DCC: variants seen among roughly 807,000 people sequenced by gnomAD.
The protein encoded by DCC is DCC netrin 1 receptor, also known as netrin receptor DCC.
DCC carries 58 observed loss-of-function variants against 172.5 expected under a neutral mutation model. That is an observed-to-expected ratio of 0.34 (90% CI 0.27 to 0.42). The LOEUF (loss-of-function observed/expected upper bound fraction) is 0.42. Ranked by LOEUF, DCC falls within the 10% of genes least tolerant of loss-of-function variation. The pLI is 1.00. For missense variants in DCC, 1,740 were observed against 1,791.0 expected, an observed-to-expected ratio of 0.97 and a Z score of 0.51; for synonymous variants, 709 against 644.5, an observed-to-expected ratio of 1.10 and a Z score of -1.52.
intron 2 of DCC, among the ~76,000 whole-genome samples, chr18:52,855,926 C>A (rs185642579): frequency 6.6e-6 from 1 of 151,954 alleles, no homozygotes; most frequent in Non-Finnish European, 1.5e-5. Flanking sequence ...CCACCATGCT[C>A]GGCTGATTTT....
chr18:52,482,083 GC>G (rs1426366608), intron 1 of DCC, among the ~76,000 whole-genome samples: 2 of 151,716 alleles, frequency 1.3e-5, no homozygotes, highest in African/African-American at 2.4e-5. Flanking sequence ...CTTTTGCCCC[GC>G]CATATCCACT....
At chr18:52,867,012 G>C (rs960003708) in intron 2 of DCC, among the ~76,000 whole-genome samples, 7 of 152,148 alleles carry the variant, frequency 4.6e-5, no homozygotes, top group African/African-American at 1.7e-4. Context: ...TATTGGCTGT[G>C]AGTCTGTCAT....
intron 1 of DCC, chr18:52,419,636 C>T (rs1201217329): frequency 6.6e-6 from 1 of 151,358 alleles, no homozygotes; most frequent in Admixed American, 6.6e-5. Context: ...TTGCCAAATA[C>T]CCCAGGGCAT....
intron 8 of DCC, among the ~76,000 whole-genome samples, chr18:53,161,192 T>G (rs1256749318): frequency 1.3e-5 from 2 of 152,208 alleles, no homozygotes; most frequent in African/African-American, 4.8e-5. Flanking sequence ...CATATTCCAA[T>G]AATTATTTTG....
intron 1 of DCC, among the ~76,000 whole-genome samples, chr18:52,577,081 G>T (rs776824068): frequency 1.3e-5 from 2 of 152,168 alleles, no homozygotes; most frequent in Non-Finnish European, 2.9e-5. Flanking sequence ...CTTCTAGCAT[G>T]AATCAAGATG....
intron 1 of DCC, among the ~76,000 whole-genome samples, chr18:52,590,370 T>C (rs1242720640): frequency 1.3e-5 from 2 of 152,238 alleles, no homozygotes; most frequent in African/African-American, 2.4e-5. Flanking sequence ...TGTTTTTGGC[T>C]ACTGAATATA....
intron 1 of DCC, among the ~76,000 whole-genome samples, chr18:52,594,374 T>C (rs372887334): frequency 6.6e-6 from 1 of 152,184 alleles, no homozygotes; most frequent in South Asian, 2.1e-4. Flanking sequence ...TATCCCTGAG[T>C]CCTCCTCTTA....
intron 3 of DCC, among the ~76,000 whole-genome samples, chr18:52,908,232 C>T (rs138026867): frequency 1.3e-4 from 20 of 152,282 alleles, no homozygotes; most frequent in Admixed American, 2.6e-4. Context: ...TTTCCAGGTG[C>T]TTTAATGAGG....
chr18:52,744,250 G>C (rs963140404), intron 1 of DCC, among the ~76,000 whole-genome samples: 1 of 152,030 alleles, frequency 6.6e-6, no homozygotes, highest in African/African-American at 2.4e-5. Flanking sequence ...AATATAACTT[G>C]TGTCCTTAAT....
At chr18:53,351,025 T>C (rs369008971) in intron 15 of DCC, among the ~76,000 whole-genome samples, 1 of 149,230 alleles carries the variant, frequency 6.7e-6, no homozygotes, top group East Asian at 2.0e-4. Flanking sequence ...TTCTCTTTTA[T>C]GATTTTTTTT....
intron 1 of DCC, among the ~76,000 whole-genome samples, chr18:52,563,343 GT>G (rs2033083291): frequency 6.6e-6 from 1 of 152,106 alleles, no homozygotes; most frequent in Non-Finnish European, 1.5e-5. Flanking sequence ...GAATCTATAA[GT>G]ATGAAAACAT....
chr18:53,047,872 T>A (rs538735668), intron 5 of DCC, among the ~76,000 whole-genome samples: 3 of 151,242 alleles, frequency 2.0e-5, no homozygotes, highest in African/African-American at 7.3e-5. Flanking sequence ...AATGGATAGA[T>A]CTACTATTTT....
chr18:53,501,659 G>A (rs995903706), intron 27 of DCC, among the ~76,000 whole-genome samples: 1 of 152,000 alleles, frequency 6.6e-6, no homozygotes. Flanking sequence ...ATGTTCTCTC[G>A]GCTTGCAAGT....
At chr18:52,782,770 AATC>A (rs1243452158) in intron 2 of DCC, among the ~76,000 whole-genome samples, 1 of 152,012 alleles carries the variant, frequency 6.6e-6, no homozygotes, top group East Asian at 1.9e-4. Flanking sequence ...GTACAAGAAA[AATC>A]AGCATATCCC....
intron 8 of DCC, among the ~76,000 whole-genome samples, chr18:53,160,377 C>T (rs1396198909): frequency 6.6e-6 from 1 of 152,168 alleles, no homozygotes; most frequent in African/African-American, 2.4e-5. Flanking sequence ...ATCTGTTGAT[C>T]CTATCCCTTA....
chr18:53,121,359 A>T (rs2043481343), intron 7 of DCC, among the ~76,000 whole-genome samples: 1 of 151,928 alleles, frequency 6.6e-6, no homozygotes, highest in African/African-American at 2.4e-5. Context: ...ATTATGTTAA[A>T]TATTATAGCA....
intron 5 of DCC, among the ~76,000 whole-genome samples, chr18:53,024,023 A>G (rs1413007146): frequency 6.6e-6 from 1 of 152,186 alleles, no homozygotes; most frequent in Non-Finnish European, 1.5e-5. Flanking sequence ...TTTGCCTATT[A>G]GATGGGTAGA....
At chr18:52,533,600 G>A (rs1250550233) in intron 1 of DCC, among the ~76,000 whole-genome samples, 1 of 152,082 alleles carries the variant, frequency 6.6e-6, no homozygotes, top group African/African-American at 2.4e-5. Flanking sequence ...CTAAGTAACA[G>A]TCTGTGACAA....
At chr18:52,628,918 A>G (rs1461061329) in intron 1 of DCC, among the ~76,000 whole-genome samples, 2 of 152,184 alleles carry the variant, frequency 1.3e-5, no homozygotes, top group East Asian at 1.9e-4. Context: ...TTGTGTACCA[A>G]TGATGACACA....
Sources: gnomAD v4.1 joint callset for allele counts (sites outside exome capture counted in the v4.1 genomes callset) on GRCh38, gnomAD v4.1.1 for gene constraint, MANE v1.5 for transcripts, NCBI Gene and HGNC (gene_info 2026-07-23, HGNC 2026-07-21) for gene names.